Variants in RBM46 observed in about 807,000 individuals in gnomAD.
RBM46 encodes the protein RNA binding motif protein 46.
RBM46 carries 12 observed loss-of-function variants against 43.3 expected under a neutral mutation model. That is an observed-to-expected ratio of 0.28 (90% CI 0.18 to 0.45). The LOEUF (loss-of-function observed/expected upper bound fraction) is 0.45. Ranked by LOEUF, RBM46 falls within the 20% of genes least tolerant of loss-of-function variation. The pLI is 1.00. For missense variants in RBM46, 412 were observed against 639.1 expected, an observed-to-expected ratio of 0.64 and a Z score of 3.83; for synonymous variants, 205 against 207.6, an observed-to-expected ratio of 0.99 and a Z score of 0.11.
chr4:154,804,643 G>T (rs894637811), intron 4 of RBM46, among the ~76,000 whole-genome samples: 14 of 152,084 alleles, frequency 9.2e-5, no homozygotes, highest in African/African-American at 2.9e-4. Context: ...TTTTAAGCAG[G>T]GCATCTCTTC....
At chr4:154,814,998 T>C (rs1460467693) in intron 4 of RBM46, among the ~76,000 whole-genome samples, 1 of 151,972 alleles carries the variant, frequency 6.6e-6, no homozygotes, top group Non-Finnish European at 1.5e-5. Context: ...AAAGACTCTT[T>C]TGTATTTTCC....
intron 4 of RBM46, among the ~76,000 whole-genome samples, chr4:154,803,596 T>C (rs1233956440): frequency 6.9e-6 from 1 of 145,968 alleles, no homozygotes; most frequent in Non-Finnish European, 1.5e-5. Flanking sequence ...CCAGCTACTC[T>C]GGAGGCTGAG....
chr4:154,828,340 C>T lies in RBM46; in HGVS notation c.*273C>T. On this transcript the variant is annotated 3_prime_UTR_variant, in exon 5 of 5. Coordinates refer to ENST00000281722, the MANE Select transcript of RBM46 (RefSeq NM_144979.5). The stretch of plus-strand genomic sequence containing the variant: ...AACTTCTAGGATTTTCTTCTACTTT[C>T]TGAGTGGGCAATAGAACCTAGTCAT... The T allele has an allele frequency of 2.9e-6, 1 of 339,236 alleles. No homozygotes were observed. Among genetic ancestry groups the T allele is most frequent in the Non-Finnish European group, 5.3e-6 (1 of 188,120 alleles). The allele number at this position is 339,236 out of a possible 1,614,324, so 21.0% of individuals were successfully genotyped here.
chr4:154,828,154 G>T lies in RBM46; in HGVS notation c.*87G>T. On this transcript the variant is annotated 3_prime_UTR_variant, in exon 5 of 5. Coordinates refer to ENST00000281722, the MANE Select transcript of RBM46 (RefSeq NM_144979.5). ...AAAATATTGTTTTATTTTAGAATCG[G>T]GTTTGCATATTTGGTTTTAAAAAGG... is the stretch of plus-strand genomic sequence containing the variant. The T allele has an allele frequency of 9.6e-7, 1 of 1,045,338 alleles. No homozygotes were observed. Among genetic ancestry groups the T allele is most frequent in the Non-Finnish European group, 1.5e-6 (1 of 682,602 alleles). 64.8% of individuals were successfully genotyped at this position (1,045,338 alleles called of 1,614,324 possible). A position where few individuals can be genotyped will look rare whatever the true frequency, so the allele number is the denominator to read the frequency against.
intron 4 of RBM46, chr4:154,826,877 T>G (rs1167647199): frequency 1.3e-6 from 2 of 1,483,730 alleles, no homozygotes; most frequent in African/African-American, 2.9e-5. Flanking sequence ...GGTGTAGGCA[T>G]CATTTATAGT....
At chr4:154,813,819 A>G (rs910212597) in intron 4 of RBM46, among the ~76,000 whole-genome samples, 1 of 152,056 alleles carries the variant, frequency 6.6e-6, no homozygotes, top group African/African-American at 2.4e-5. Flanking sequence ...TTTGGAATAC[A>G]CCGGAATCCT....
chr4:154,811,767 G>A (rs565492788), intron 4 of RBM46, among the ~76,000 whole-genome samples: 2 of 150,876 alleles, frequency 1.3e-5, no homozygotes, highest in Non-Finnish European at 2.9e-5. Context: ...TGCAACATCC[G>A]CCTCCCGGGT....
chr4:154,827,756 C>T, intron 4 of RBM46, 112 bp from the exon 5 acceptor site: 3 of 1,538,800 alleles, frequency 1.9e-6, no homozygotes, highest in Non-Finnish European at 1.7e-6. Flanking sequence ...TCAAGATTTC[C>T]AGTGTTAGAA....
At chr4:154,800,276 T>G (rs1487094409) in intron 4 of RBM46, among the ~76,000 whole-genome samples, 1 of 152,170 alleles carries the variant, frequency 6.6e-6, no homozygotes, top group African/African-American at 2.4e-5. Context: ...TAATGATCTT[T>G]TTGAGGGGCA....
At chr4:154,804,512 G>A (rs1162694370) in intron 4 of RBM46, among the ~76,000 whole-genome samples, 1 of 152,170 alleles carries the variant, frequency 6.6e-6, no homozygotes, top group Non-Finnish European at 1.5e-5. Context: ...AGGAGATCAA[G>A]GAACGTCCTG....
At chr4:154,801,108 A>G (rs1325984017) in intron 4 of RBM46, among the ~76,000 whole-genome samples, 3 of 151,818 alleles carry the variant, frequency 2.0e-5, no homozygotes, top group Admixed American at 6.6e-5. Flanking sequence ...CCTCCTGAGT[A>G]GCTGGGATTA....
intron 1 of RBM46, among the ~76,000 whole-genome samples, chr4:154,782,730 T>C (rs156547): frequency 0.58 from 88,461 of 152,030 alleles, 28,664 homozygotes; most frequent in African/African-American, 0.86. Context: ...ATCCACCCGC[T>C]TCGGCCTCCC....
intron 4 of RBM46, among the ~76,000 whole-genome samples, chr4:154,823,752 G>A (rs1212261004): frequency 6.6e-6 from 1 of 151,958 alleles, no homozygotes; most frequent in African/African-American, 2.4e-5. Flanking sequence ...AATACAGAAA[G>A]GTGGTAGACC....
At chr4:154,827,374 A>C (rs761171164) in intron 4 of RBM46, 16 of 985,384 alleles carry the variant, frequency 1.6e-5, no homozygotes, top group Non-Finnish European at 1.9e-5. Flanking sequence ...TAGTATTTAA[A>C]TAATGAAATA....
chr4:154,820,283 A>G, intron 4 of RBM46: 1 of 873,580 alleles, frequency 1.1e-6, no homozygotes, highest in Non-Finnish European at 1.7e-6. Flanking sequence ...AACTAAAGTT[A>G]CCAAGGATTC....
Position 154,827,656 on chromosome 4 carries a change from G to A in RBM46, c.1403-212G>A, listed in dbSNP as rs146341905. 7.7e-4 allele frequency: 1,041 copies of A among 1,356,804 alleles called. 1 individual carries two copies. The African/African-American group carries it at 9.8e-3, about 13-fold the overall frequency. 84.0% of individuals were successfully genotyped at this position (1,356,804 alleles called of 1,614,324 possible). On this transcript the variant is annotated intron_variant, in intron 4 of 4. Transcript: ENST00000281722. Reference sequence around the variant, plus strand: ...TCTGGTAAGATCTCTGAAACATTGCGTGAGTAAAGGAAAGGTAATACTGAC... The same window carrying A: ...TCTGGTAAGATCTCTGAAACATTGCATGAGTAAAGGAAAGGTAATACTGAC...
At chr4:154,801,472 A>G (rs1017911739) in intron 4 of RBM46, among the ~76,000 whole-genome samples, 2 of 152,208 alleles carry the variant, frequency 1.3e-5, no homozygotes, top group Non-Finnish European at 2.9e-5. Flanking sequence ...ATCTAAGTTA[A>G]AGATAAAATT....
chr4:154,804,066 G>A (rs370526741), intron 4 of RBM46, among the ~76,000 whole-genome samples: 24 of 152,056 alleles, frequency 1.6e-4, no homozygotes, highest in Middle Eastern at 3.2e-3. Flanking sequence ...CCTCTGCTTC[G>A]CCCTCAGCCA....
intron 4 of RBM46, among the ~76,000 whole-genome samples, chr4:154,825,431 G>C (rs1735912752): frequency 6.6e-6 from 1 of 152,026 alleles, no homozygotes; most frequent in African/African-American, 2.4e-5. Flanking sequence ...ATGTCTTCCT[G>C]AATATATTTA....
Sources: allele counts gnomAD v4.1 joint callset (sites outside exome capture counted in the v4.1 genomes callset), GRCh38; gene constraint gnomAD v4.1.1; transcripts MANE v1.5; gene names NCBI Gene and HGNC (gene_info 2026-07-23, HGNC 2026-07-21).